The following ENTHD1 variants were observed in gnomAD, a reference collection of about 807,000 sequenced individuals.
The protein encoded by ENTHD1 is ENTH domain-containing protein 1.
In ENTHD1, 23 loss-of-function variants were observed where a neutral mutation model predicts 39.1. The observed-to-expected ratio is 0.59, with a 90% CI of 0.42 to 0.83. The LOEUF (loss-of-function observed/expected upper bound fraction) is 0.83, where lower values mean the gene tolerates loss of function less well. Among genes scored for constraint, ENTHD1 ranks in the 40% least tolerant of loss-of-function variants. ENTHD1 has a pLI of 0.00. For synonymous variants in ENTHD1, 230 were observed against 258.2 expected (o/e 0.89, Z 1.05); for missense variants, 624 against 705.4 (o/e 0.88, Z 1.31).
chr22:39,766,975 T>C (rs530206571), intron 5 of ENTHD1, among the ~76,000 whole-genome samples: 1 of 152,332 alleles, frequency 6.6e-6, no homozygotes, highest in South Asian at 2.1e-4. Flanking sequence ...TATCCTATTA[T>C]TGTCTATCTT....
chr22:39,814,787 C>G (rs562153250), intron 5 of ENTHD1, among the ~76,000 whole-genome samples: 8 of 151,992 alleles, frequency 5.3e-5, no homozygotes, highest in Non-Finnish European at 7.4e-5. Flanking sequence ...TTGTGGGAAG[C>G]AAACTATAAG....
intron 4 of ENTHD1, among the ~76,000 whole-genome samples, chr22:39,832,943 G>A (rs1418677858): frequency 1.3e-5 from 2 of 152,152 alleles, no homozygotes; most frequent in African/African-American, 2.4e-5. Flanking sequence ...TGGGACTCAG[G>A]CAGCTGTACT....
chr22:39,785,033 G>A (rs1322138376), intron 5 of ENTHD1, among the ~76,000 whole-genome samples: 1 of 152,090 alleles, frequency 6.6e-6, no homozygotes, highest in East Asian at 1.9e-4. Flanking sequence ...TATCACATGT[G>A]CCTTGAAACT....
intron 4 of ENTHD1, among the ~76,000 whole-genome samples, chr22:39,830,089 C>T (rs945515192): frequency 2.0e-5 from 3 of 152,056 alleles, no homozygotes; most frequent in Admixed American, 1.3e-4. Flanking sequence ...CACAAACACA[C>T]ACCTGAGATG....
intron 5 of ENTHD1, among the ~76,000 whole-genome samples, chr22:39,783,652 A>G (rs1044861285): frequency 6.6e-6 from 1 of 152,180 alleles, no homozygotes; most frequent in African/African-American, 2.4e-5. Context: ...AATGAAAAAA[A>G]GACAGTCTCT....
At chr22:39,883,577 C>A (rs1345076969) in intron 2 of ENTHD1, among the ~76,000 whole-genome samples, 1 of 151,462 alleles carries the variant, frequency 6.6e-6, no homozygotes, top group African/African-American at 2.4e-5. Context: ...TTCTTTCTAG[C>A]CAAGGAATCT....
chr22:39,873,812 A>G (rs2066263976), intron 2 of ENTHD1, among the ~76,000 whole-genome samples: 2 of 152,246 alleles, frequency 1.3e-5, no homozygotes, highest in South Asian at 4.1e-4. Context: ...TTAAAACTAT[A>G]AATATCTGGA....
In ENTHD1 at chr22:39,743,427, G is replaced by C. The variant is rs899977712; in HGVS notation, c.*252C>G. 1 of 398,058 alleles carries C rather than the reference G, an allele frequency of 2.5e-6. No homozygotes were observed. Among genetic ancestry groups the C allele is most frequent in the African/African-American group, 2.1e-5 (1 of 47,758 alleles). The allele number at this position is 398,058 out of a possible 1,614,324, so 24.7% of individuals were successfully genotyped here. ...CCCATTTGAGGTACAGAGCATGAAAGAATGAAATTCTCTTCTGTTTCAAAT... is the reference window on the plus strand; with the variant it reads ...CCCATTTGAGGTACAGAGCATGAAACAATGAAATTCTCTTCTGTTTCAAAT... On this transcript the variant is annotated 3_prime_UTR_variant, in exon 7 of 7. Transcript: ENST00000325157.
chr22:39,878,819 A>G (rs1029172854), intron 2 of ENTHD1, among the ~76,000 whole-genome samples: 42 of 152,126 alleles, frequency 2.8e-4, no homozygotes, highest in African/African-American at 9.9e-4. Flanking sequence ...TAATAGCAAC[A>G]ATGTATTTGA....
At chr22:39,882,615 T>A (rs1302436508) in intron 2 of ENTHD1, among the ~76,000 whole-genome samples, 1 of 152,194 alleles carries the variant, frequency 6.6e-6, no homozygotes, top group Non-Finnish European at 1.5e-5. Flanking sequence ...AACAAATTGT[T>A]GTGCATGCAT....
Position 39,887,462 on chromosome 22 carries a change from C to A in ENTHD1, c.287G>T (p.Gly96Val). Reference sequence around the variant, plus strand: ...TTTTAGTGTTTGAAGGTTACAGAACCCCTCTCTGCAATGCTGAATAACTTT... The same window carrying A: ...TTTTAGTGTTTGAAGGTTACAGAACACCTCTCTGCAATGCTGAATAACTTT... ...SKKVIQHCRE[G>V]FCNLQTLKDF... is the part of the protein sequence containing the mutation. The change falls in exon 2 of 7, where the codon GGG becomes GTG. Residue 96 changes from glycine to valine, a missense_variant. Transcript: ENST00000325157. The A allele has an allele frequency of 6.2e-7, 1 of 1,614,004 alleles. No homozygotes were observed. The highest frequency in any genetic ancestry group is 8.5e-7 in the Non-Finnish European group (1 of 1,179,984).
intron 2 of ENTHD1, among the ~76,000 whole-genome samples, chr22:39,864,514 TTTAC>T (rs1435498327): frequency 6.6e-6 from 1 of 152,180 alleles, no homozygotes; most frequent in African/African-American, 2.4e-5. Context: ...TATTTATTGG[TTTAC>T]TTATTTATTG....
At chr22:39,766,991 G>A (rs777742825) in intron 5 of ENTHD1, among the ~76,000 whole-genome samples, 3 of 151,920 alleles carry the variant, frequency 2.0e-5, no homozygotes, top group Non-Finnish European at 4.4e-5. Flanking sequence ...ATCTTCACAT[G>A]TCCTGTTTGA....
chr22:39,788,061 T>A (rs1300080684), intron 5 of ENTHD1, among the ~76,000 whole-genome samples: 1 of 152,200 alleles, frequency 6.6e-6, no homozygotes, highest in Non-Finnish European at 1.5e-5. Flanking sequence ...GAGATTAATG[T>A]TGTTTTCATG....
chr22:39,766,019 CAAAAAAAAAAAAAAAAAA>C (rs11367784), intron 5 of ENTHD1, among the ~76,000 whole-genome samples: 2 of 48,340 alleles, frequency 4.1e-5, no homozygotes, highest in Non-Finnish European at 3.7e-5. Flanking sequence ...CCCTCAGCTA[CAAAAAAAAAAAAAAAAAA>C]AAAAAAAAAA....
chr22:39,747,780 A>G lies in ENTHD1; in HGVS notation c.1220-3497T>C, dbSNP rs943525361. Reference sequence around the variant, plus strand: ...AACAGGTAGAACTTACAGAAAACAGATTTTAGCCCACTTCATTAAAAAAAA... The same window carrying G: ...AACAGGTAGAACTTACAGAAAACAGGTTTTAGCCCACTTCATTAAAAAAAA... On this transcript the variant is annotated intron_variant, in intron 6 of 6. Coordinates refer to ENST00000325157, the MANE Select transcript of ENTHD1 (RefSeq NM_152512.4). 4.6e-5 allele frequency among the ~76,000 whole-genome samples: 7 copies of G among 152,016 alleles called. No homozygotes were observed. The East Asian group carries it at 1.2e-3, about 25-fold the overall frequency.
chr22:39,838,762 CAG>C (rs2065923927), intron 3 of ENTHD1, among the ~76,000 whole-genome samples: 1 of 151,960 alleles, frequency 6.6e-6, no homozygotes. Context: ...AACCTTTGGT[CAG>C]AGAAAATTTA....
chr22:39,796,572 A>G (rs2065551898), intron 5 of ENTHD1, among the ~76,000 whole-genome samples: 1 of 152,038 alleles, frequency 6.6e-6, no homozygotes, highest in South Asian at 2.1e-4. Context: ...TGGCTGGTAT[A>G]TTGTATTTCT....
At chr22:39,836,525 T>C (rs1024801461) in intron 3 of ENTHD1, among the ~76,000 whole-genome samples, 1 of 152,312 alleles carries the variant, frequency 6.6e-6, no homozygotes, top group East Asian at 1.9e-4. Flanking sequence ...AGAACTTTAT[T>C]ACTGCAGTGT....
Sources: gnomAD v4.1 joint callset for allele counts (sites outside exome capture counted in the v4.1 genomes callset) on GRCh38, gnomAD v4.1.1 for gene constraint, MANE v1.5 for transcripts, NCBI Gene and HGNC (gene_info 2026-07-23, HGNC 2026-07-21) for gene names.